AGBL4: variants seen among roughly 807,000 people sequenced by gnomAD.
AGBL4 encodes AGBL carboxypeptidase 4.
AGBL4 carries 58 observed loss-of-function variants against 66.4 expected under a neutral mutation model. The ratio of observed to expected loss-of-function variants is 0.87; its 90% CI spans 0.71 to 1.09. The LOEUF is 1.09. Among genes scored for constraint, AGBL4 ranks in the 50% least tolerant of loss-of-function variants. The probability of loss-of-function intolerance (pLI) is 0.00; values close to 1 mark genes in which losing one functional copy is unlikely to be tolerated. For synonymous variants in AGBL4, 234 were observed against 222.9 expected (o/e 1.05, Z -0.44); for missense variants, 579 against 631.0 (o/e 0.92, Z 0.88).
At chr1:49,087,393 A>C (rs1389185402) in intron 4 of AGBL4, among the ~76,000 whole-genome samples, 1 of 152,258 alleles carries the variant, frequency 6.6e-6, no homozygotes, top group Non-Finnish European at 1.5e-5. Flanking sequence ...TTAAGAAAGA[A>C]CTAAAGTGAA....
chr1:48,872,048 T>A (rs1648730574), intron 5 of AGBL4, among the ~76,000 whole-genome samples: 1 of 152,134 alleles, frequency 6.6e-6, no homozygotes, highest in Non-Finnish European at 1.5e-5. Flanking sequence ...CATGCTGATT[T>A]TTGTCATTTT....
intron 3 of AGBL4, among the ~76,000 whole-genome samples, chr1:49,453,404 T>C (rs1039670153): frequency 6.6e-6 from 1 of 151,814 alleles, no homozygotes; most frequent in African/African-American, 2.4e-5. Context: ...AGTTATGGTA[T>C]GATATGGCAC....
intron 5 of AGBL4, among the ~76,000 whole-genome samples, chr1:49,028,142 T>G (rs1663881623): frequency 6.6e-6 from 1 of 152,180 alleles, no homozygotes; most frequent in Admixed American, 6.5e-5. Context: ...AAAAGGAAGC[T>G]GGTCACTACA....
chr1:50,010,774 A>T (rs943948461), intron 1 of AGBL4, among the ~76,000 whole-genome samples: 6 of 152,238 alleles, frequency 3.9e-5, no homozygotes, highest in African/African-American at 1.4e-4. Flanking sequence ...TATGCAGAAA[A>T]ATAAAACTAG....
intron 3 of AGBL4, among the ~76,000 whole-genome samples, chr1:49,573,823 T>A (rs1011178283): frequency 6.6e-6 from 1 of 152,162 alleles, no homozygotes; most frequent in Admixed American, 6.5e-5. Context: ...TGGGGATGTG[T>A]GGGAGAACCC....
At chr1:49,151,058 G>A (rs954756948) in intron 4 of AGBL4, among the ~76,000 whole-genome samples, 1 of 151,974 alleles carries the variant, frequency 6.6e-6, no homozygotes, top group South Asian at 2.1e-4. Context: ...CACGAAGTCA[G>A]GAGATCGAGA....
chr1:50,002,487 A>G (rs1169525205), intron 1 of AGBL4, among the ~76,000 whole-genome samples: 2 of 147,582 alleles, frequency 1.4e-5, no homozygotes, highest in Non-Finnish European at 3.0e-5. Flanking sequence ...CACCTGCCTC[A>G]GCCTCCCGAG....
intron 1 of AGBL4, among the ~76,000 whole-genome samples, chr1:49,937,405 C>T (rs1021559623): frequency 2.6e-4 from 39 of 151,980 alleles, no homozygotes; most frequent in African/African-American, 5.8e-4. Flanking sequence ...ACTTTAACAC[C>T]CCACTGTCAA....
chr1:49,541,163 G>C (rs1651982226), intron 3 of AGBL4, among the ~76,000 whole-genome samples: 1 of 152,210 alleles, frequency 6.6e-6, no homozygotes, highest in South Asian at 2.1e-4. Flanking sequence ...GTATTTGTGA[G>C]AAAAGACCGC....
At chr1:49,131,479 C>G (rs1470099902) in intron 4 of AGBL4, among the ~76,000 whole-genome samples, 6 of 151,978 alleles carry the variant, frequency 3.9e-5, no homozygotes, top group African/African-American at 1.4e-4. Flanking sequence ...GGAGAAGTAA[C>G]AGTGTGATAA....
chr1:49,748,817 G>A (rs753441963), intron 2 of AGBL4, among the ~76,000 whole-genome samples: 1 of 152,088 alleles, frequency 6.6e-6, no homozygotes, highest in Non-Finnish European at 1.5e-5. Flanking sequence ...TTTGAGAAGT[G>A]TCCGTTCATA....
At chr1:48,545,827 A>G (rs1644149898) in intron 11 of AGBL4, among the ~76,000 whole-genome samples, 1 of 152,316 alleles carries the variant, frequency 6.6e-6, no homozygotes, top group Middle Eastern at 3.4e-3. Flanking sequence ...AAGTAGCCCT[A>G]GCCTCCTATT....
rs575698787 is a variant in AGBL4 at position 49,919,782 on chromosome 1, A to C, written c.35-68264T>G. On this transcript the variant is annotated intron_variant, in intron 1 of 13. Transcript: ENST00000371839. ...CCAAAAAAGAGCCCGCATTGCCAAGACAATCCTAAGCCAAAAGAACAAAGC... is the reference window on the plus strand; with the variant it reads ...CCAAAAAAGAGCCCGCATTGCCAAGCCAATCCTAAGCCAAAAGAACAAAGC... 7.9e-5 allele frequency among the ~76,000 whole-genome samples: 12 copies of C among 152,256 alleles called. No homozygotes were observed. In the South Asian group the frequency reaches 2.1e-3, roughly 26 times the overall value.
intron 2 of AGBL4, among the ~76,000 whole-genome samples, chr1:49,732,885 A>T (rs1315677498): frequency 6.6e-6 from 1 of 152,166 alleles, no homozygotes; most frequent in Non-Finnish European, 1.5e-5. Flanking sequence ...CTAGTAAAAA[A>T]CATGAATCTA....
chr1:48,545,091 G>A (rs1644137360), intron 11 of AGBL4, among the ~76,000 whole-genome samples: 1 of 152,196 alleles, frequency 6.6e-6, no homozygotes, highest in Admixed American at 6.5e-5. Flanking sequence ...ATGAATGAAT[G>A]AATGAATGAG....
chr1:48,837,833 C>T (rs559747684), intron 6 of AGBL4, among the ~76,000 whole-genome samples: 1 of 148,988 alleles, frequency 6.7e-6, no homozygotes, highest in South Asian at 2.1e-4. Context: ...GATACAAGAA[C>T]TCAAGCCAAA....
At chr1:49,617,498 T>G (rs1645271843) in intron 3 of AGBL4, among the ~76,000 whole-genome samples, 1 of 152,232 alleles carries the variant, frequency 6.6e-6, no homozygotes, top group Non-Finnish European at 1.5e-5. Flanking sequence ...GAATGTAAAC[T>G]CCATGAGACA....
At chr1:49,525,769 GA>G (rs1650608103) in intron 3 of AGBL4, among the ~76,000 whole-genome samples, 1 of 151,990 alleles carries the variant, frequency 6.6e-6, no homozygotes, top group South Asian at 2.1e-4. Flanking sequence ...ACACTCCACA[GA>G]AACCTAATGA....
chr1:48,763,889 C>T (rs1487912822), intron 6 of AGBL4, among the ~76,000 whole-genome samples: 1 of 152,150 alleles, frequency 6.6e-6, no homozygotes. Context: ...AACAGGGTCC[C>T]CATCCTGGAG....
Sources: allele counts gnomAD v4.1 joint callset (sites outside exome capture counted in the v4.1 genomes callset), GRCh38; gene constraint gnomAD v4.1.1; transcripts MANE v1.5; gene names NCBI Gene and HGNC (gene_info 2026-07-23, HGNC 2026-07-21).